KCNH8: variants seen among roughly 807,000 people sequenced by gnomAD.
KCNH8 encodes the protein voltage-gated delayed rectifier potassium channel KCNH8.
In KCNH8, 70 loss-of-function variants were observed where a neutral mutation model predicts 103.6. The observed-to-expected ratio is 0.68, with a 90% CI of 0.56 to 0.82. The LOEUF (loss-of-function observed/expected upper bound fraction) is 0.82. Ranked by LOEUF, KCNH8 falls within the 40% of genes least tolerant of loss-of-function variation. KCNH8 has a pLI of 0.00. For missense variants in KCNH8, 1,217 were observed against 1,329.9 expected, an observed-to-expected ratio of 0.92 and a Z score of 1.32; for synonymous variants, 498 against 489.4, an observed-to-expected ratio of 1.02 and a Z score of -0.23.
At chr3:19,181,532 G>A (rs1404315267) in intron 1 of KCNH8, among the ~76,000 whole-genome samples, 5 of 151,940 alleles carry the variant, frequency 3.3e-5, no homozygotes, top group African/African-American at 4.8e-5. Flanking sequence ...GTAATAAAAA[G>A]GAAAACAGAT....
At chr3:19,249,244 G>T (rs1219213540) in intron 1 of KCNH8, among the ~76,000 whole-genome samples, 1 of 152,080 alleles carries the variant, frequency 6.6e-6, no homozygotes, top group Non-Finnish European at 1.5e-5. Flanking sequence ...CTTCTTTAGG[G>T]ATTCCAGGAC....
At chr3:19,217,281 T>C (rs937642708) in intron 1 of KCNH8, among the ~76,000 whole-genome samples, 9 of 152,306 alleles carry the variant, frequency 5.9e-5, no homozygotes, top group African/African-American at 1.4e-4. Flanking sequence ...AAATCTATTA[T>C]GTCCAAACTT....
At chr3:19,166,148 C>A (rs2063281304) in intron 1 of KCNH8, among the ~76,000 whole-genome samples, 2 of 152,038 alleles carry the variant, frequency 1.3e-5, no homozygotes, top group South Asian at 4.1e-4. Flanking sequence ...TTATTGTTAT[C>A]TTTGGGGGAA....
chr3:19,483,194 A>G (rs1448478207), intron 11 of KCNH8, among the ~76,000 whole-genome samples: 1 of 152,092 alleles, frequency 6.6e-6, no homozygotes, highest in Non-Finnish European at 1.5e-5. Flanking sequence ...AATTTCGCAT[A>G]AGCTCTATGC....
At chr3:19,471,978 C>T (rs1365729290) in intron 11 of KCNH8, among the ~76,000 whole-genome samples, 3 of 152,174 alleles carry the variant, frequency 2.0e-5, no homozygotes, top group Non-Finnish European at 4.4e-5. Context: ...TTGACTTATG[C>T]ACTTTTTTCT....
intron 2 of KCNH8, among the ~76,000 whole-genome samples, chr3:19,265,791 C>T (rs2064501840): frequency 6.6e-6 from 1 of 152,058 alleles, no homozygotes; most frequent in African/African-American, 2.4e-5. Flanking sequence ...TTAAACTATA[C>T]TAGCAACATG....
intron 7 of KCNH8, among the ~76,000 whole-genome samples, chr3:19,411,304 A>G (rs376963664): frequency 9.9e-4 from 150 of 152,208 alleles, no homozygotes; most frequent in African/African-American, 3.4e-3. Flanking sequence ...AGATTTTGAT[A>G]AAGTCAAACA....
At chr3:19,520,580 A>G (rs897375333) in intron 15 of KCNH8, among the ~76,000 whole-genome samples, 2 of 151,988 alleles carry the variant, frequency 1.3e-5, no homozygotes, top group African/African-American at 4.8e-5. Context: ...TAAAAGTCCA[A>G]GCCTAATTTT....
intron 3 of KCNH8, among the ~76,000 whole-genome samples, chr3:19,303,559 T>C (rs1213541391): frequency 6.6e-6 from 1 of 152,144 alleles, no homozygotes; most frequent in East Asian, 1.9e-4. Flanking sequence ...GTTTACGGAG[T>C]GTCTATATTT....
intron 14 of KCNH8, among the ~76,000 whole-genome samples, chr3:19,515,700 A>G (rs775487886): frequency 2.1e-4 from 32 of 152,132 alleles, no homozygotes; most frequent in Middle Eastern, 3.4e-3. Context: ...TCTGCTATTC[A>G]TTAGAGGATG....
chr3:19,440,991 A>G (rs2067275411), intron 8 of KCNH8, among the ~76,000 whole-genome samples: 1 of 152,090 alleles, frequency 6.6e-6, no homozygotes, highest in South Asian at 2.1e-4. Flanking sequence ...AGCTGACCTC[A>G]GTTGCTTTCT....
At chr3:19,244,779 GT>G (rs1476436077) in intron 1 of KCNH8, among the ~76,000 whole-genome samples, 1 of 152,000 alleles carries the variant, frequency 6.6e-6, no homozygotes, top group Non-Finnish European at 1.5e-5. Context: ...CTTTTGAGAA[GT>G]GTCTGTTCAT....
intron 11 of KCNH8, among the ~76,000 whole-genome samples, chr3:19,484,321 C>T (rs1203485043): frequency 6.6e-6 from 1 of 152,170 alleles, no homozygotes; most frequent in Non-Finnish European, 1.5e-5. Flanking sequence ...AACTATAGAA[C>T]AGAAAGATTG....
intron 1 of KCNH8, among the ~76,000 whole-genome samples, chr3:19,226,226 G>T (rs900936882): frequency 6.6e-6 from 1 of 152,202 alleles, no homozygotes; most frequent in Non-Finnish European, 1.5e-5. Flanking sequence ...TTAGGCAAAA[G>T]CAGTGTCTAC....
At chr3:19,261,396 T>C (rs1248874884) in intron 2 of KCNH8, among the ~76,000 whole-genome samples, 1 of 151,966 alleles carries the variant, frequency 6.6e-6, no homozygotes, top group Admixed American at 6.6e-5. Flanking sequence ...TTTTATGTCA[T>C]CTTTGGAGAA....
chr3:19,355,666 A>C (rs772029176), intron 5 of KCNH8, among the ~76,000 whole-genome samples: 3 of 152,112 alleles, frequency 2.0e-5, no homozygotes, highest in Non-Finnish European at 2.9e-5. Flanking sequence ...TCTCACTCGT[A>C]GGTGGCAATT....
intron 5 of KCNH8, among the ~76,000 whole-genome samples, chr3:19,355,039 A>C (rs953781816): frequency 6.6e-5 from 10 of 152,090 alleles, no homozygotes; most frequent in African/African-American, 2.4e-4. Flanking sequence ...TTACAAGAAA[A>C]CAATCAAACA....
intron 2 of KCNH8, among the ~76,000 whole-genome samples, chr3:19,270,104 T>C (rs2064567291): frequency 6.6e-6 from 1 of 152,156 alleles, no homozygotes; most frequent in South Asian, 2.1e-4. Context: ...GTTGGCTAAT[T>C]ATGACCTGTA....
intron 15 of KCNH8, 117 bp from the exon 16 acceptor site, chr3:19,533,278 A>ATAAG: frequency 3.0e-6 from 2 of 665,556 alleles, no homozygotes; most frequent in Non-Finnish European, 2.6e-6. Flanking sequence ...TTAAGAATAA[A>ATAAG]TAAGTAGGAA....
Sources: gnomAD v4.1 joint callset for allele counts (sites outside exome capture counted in the v4.1 genomes callset) on GRCh38, gnomAD v4.1.1 for gene constraint, MANE v1.5 for transcripts, NCBI Gene and HGNC (gene_info 2026-07-23, HGNC 2026-07-21) for gene names.